Variants in FGF13 observed in about 807,000 individuals in gnomAD.
FGF13 encodes fibroblast growth factor 13.
A neutral mutation model predicts 19.5 loss-of-function variants in FGF13; 2 were observed. The ratio of observed to expected loss-of-function variants is 0.10; its 90% confidence interval spans 0.04 to 0.32. The LOEUF (loss-of-function observed/expected upper bound fraction) is 0.32, where lower values mean the gene tolerates loss of function less well. Among genes scored for constraint, FGF13 ranks in the 10% least tolerant of loss-of-function variants. The pLI is 1.00. For missense variants in FGF13, 113 were observed against 192.7 expected, an observed-to-expected ratio of 0.59 and a Z score of 2.45; for synonymous variants, 72 against 76.9, an observed-to-expected ratio of 0.94 and a Z score of 0.33.
chrX:139,102,470 A>T (rs111714161), intron 1 of FGF13, among the ~76,000 whole-genome samples: 1,171 of 111,883 alleles, frequency 0.01, 5 homozygotes, highest in Non-Finnish European at 0.017. Flanking sequence ...TGAGACACCA[A>T]ATATAAGTTA....
chrX:139,183,193 A>G (rs1361890675), intron 1 of FGF13, among the ~76,000 whole-genome samples: 1 of 112,122 alleles, frequency 8.9e-6, no homozygotes, highest in Non-Finnish European at 1.9e-5. Context: ...AAACATGTCA[A>G]AAGTATCACA....
intron 1 of FGF13, among the ~76,000 whole-genome samples, chrX:139,054,872 G>GTGTTGTGTTT (rs1556347184): frequency 1.1e-5 from 1 of 92,294 alleles, no homozygotes; most frequent in Non-Finnish European, 2.1e-5. Flanking sequence ...GTGTTGTGTT[G>GTGTTGTGTTT]TGTTGTGTTG....
Position 139,081,128 on chromosome X carries a change from C to G in FGF13, c.-113+122288G>C, listed in dbSNP as rs73581298. On this transcript the variant is annotated intron_variant, in intron 1 of 2. Coordinates refer to the FGF13 transcript ENST00000421460. ...TCCCATTCTCTTTTGAAATGCCCCC[C>G]ACGCCCTGCCAAGCAATCTTTCATC... 3.9e-3 allele frequency among the ~76,000 whole-genome samples: 430 copies of G among 110,819 alleles called. 3 individuals are homozygous for G. Among genetic ancestry groups the G allele is most frequent in the African/African-American group, 0.013 (406 of 30,517 alleles).
rs977060467 is a variant in FGF13 at position 139,076,416 on chromosome X, T to C, written c.-113+127000A>G. Among the ~76,000 whole-genome samples the C allele has an allele frequency of 3.6e-5, 4 of 111,405 alleles. No homozygotes were observed. In the East Asian group the frequency reaches 1.1e-3, roughly 31 times the overall value. The stretch of plus-strand genomic sequence containing the variant: ...CTTACTTACTTTCAAGAGTATCTGG[T>C]TTTCGCATTCACCAGATCTAAAAAG... On this transcript the variant is annotated intron_variant, in intron 1 of 2. Coordinates refer to the FGF13 transcript ENST00000421460.
intron 1 of FGF13, among the ~76,000 whole-genome samples, chrX:139,105,094 T>C (rs779949470): frequency 3.0e-4 from 33 of 111,091 alleles, no homozygotes; most frequent in Non-Finnish European, 4.9e-4. Context: ...TGGTTTTCAG[T>C]AGGACATAGG....
At chrX:138,839,926 T>C (rs1032979822) in intron 3 of FGF13, among the ~76,000 whole-genome samples, 4 of 111,831 alleles carry the variant, frequency 3.6e-5, no homozygotes, top group Non-Finnish European at 7.5e-5. Flanking sequence ...TTTCCTTCTG[T>C]ATAAAAATGG....
chrX:138,692,049 A>T (rs2089843193), intron 3 of FGF13, among the ~76,000 whole-genome samples: 1 of 110,659 alleles, frequency 9.0e-6, no homozygotes, highest in Admixed American at 9.6e-5. Flanking sequence ...GTAGCTTCCA[A>T]TTTTTTTTCT....
At chrX:138,866,507 A>C (rs1416553969) in intron 1 of FGF13, among the ~76,000 whole-genome samples, 1 of 111,924 alleles carries the variant, frequency 8.9e-6, no homozygotes, top group African/African-American at 3.2e-5. Context: ...GCGATGTGGC[A>C]GATTGCACTG....
chrX:138,653,522 C>G (rs1396697594), intron 3 of FGF13, among the ~76,000 whole-genome samples: 3 of 111,744 alleles, frequency 2.7e-5, no homozygotes, highest in African/African-American at 9.7e-5. Context: ...GTTTTATCAA[C>G]AGCAATAAAC....
At chrX:139,077,308 G>T (rs2083339054) in intron 1 of FGF13, among the ~76,000 whole-genome samples, 1 of 112,263 alleles carries the variant, frequency 8.9e-6, no homozygotes, top group African/African-American at 3.2e-5. Context: ...CCAGTGAAGT[G>T]TTTGTTATTG....
At chrX:139,201,000 C>T (rs1317381127) in intron 1 of FGF13, among the ~76,000 whole-genome samples, 3 of 112,171 alleles carry the variant, frequency 2.7e-5, no homozygotes, top group African/African-American at 9.7e-5. Flanking sequence ...AGCCGCGTGA[C>T]TCAAACTATA....
At chrX:139,167,938 C>A (rs1489781928) in intron 1 of FGF13, among the ~76,000 whole-genome samples, 1 of 112,136 alleles carries the variant, frequency 8.9e-6, no homozygotes, top group Non-Finnish European at 1.9e-5. Flanking sequence ...AATATCTATT[C>A]TTTCAAAAAT....
upstream of FGF13, among the ~76,000 whole-genome samples, chrX:138,740,288 A>G (rs2090310144): frequency 8.9e-6 from 1 of 111,883 alleles, no homozygotes; most frequent in African/African-American, 3.3e-5. Flanking sequence ...GTCACTATCA[A>G]TGAATATTGA....
At chrX:139,082,719 AG>A (rs1247462763) in intron 1 of FGF13, among the ~76,000 whole-genome samples, 1 of 112,185 alleles carries the variant, frequency 8.9e-6, no homozygotes, top group Non-Finnish European at 1.9e-5. Context: ...TCTAATCTCC[AG>A]TACCATGAAC....
chrX:138,703,898 G>A (rs770822791), intron 2 of FGF13, among the ~76,000 whole-genome samples: 1 of 111,132 alleles, frequency 9.0e-6, no homozygotes, highest in East Asian at 2.9e-4. Flanking sequence ...ATTTTTAGTA[G>A]AGACGGGGTT....
chrX:138,910,824 A>G (rs1444098956), intron 1 of FGF13, among the ~76,000 whole-genome samples: 1 of 112,415 alleles, frequency 8.9e-6, no homozygotes, highest in Admixed American at 9.4e-5. Context: ...AAACATTAAT[A>G]GCAAGAACCA....
At chrX:138,779,095 G>C (rs1342723076) in intron 3 of FGF13, among the ~76,000 whole-genome samples, 2 of 111,688 alleles carry the variant, frequency 1.8e-5, no homozygotes, top group Non-Finnish European at 3.8e-5. Flanking sequence ...CAGACCTGCA[G>C]CTGAGGTTCC....
chrX:138,793,347 G>A (rs2090755923), intron 3 of FGF13, among the ~76,000 whole-genome samples: 1 of 111,546 alleles, frequency 9.0e-6, no homozygotes, highest in African/African-American at 3.3e-5. Flanking sequence ...TTCATTTCTA[G>A]ATACACAAGA....
chrX:138,625,524 T>TAC lies in FGF13; in HGVS notation c.*7325_*7326insGT, dbSNP rs1184403363. ...ATATATATATATAATATAATATATATATATATCTTAGCCATATAAAGAGGG... is the reference window on the plus strand; with the variant it reads ...ATATATATATATAATATAATATATATACATATATCTTAGCCATATAAAGAGGG... On this transcript the variant is annotated 3_prime_UTR_variant, in exon 5 of 5. Coordinates refer to ENST00000315930, the MANE Select transcript of FGF13 (RefSeq NM_004114.5). 7.5e-5 allele frequency: 7 copies of TAC among 93,367 alleles called. No homozygotes were observed. Among genetic ancestry groups the TAC allele is most frequent in the Non-Finnish European group, 1.2e-4 (6 of 49,340 alleles). The allele number at this position is 93,367 out of a possible 1,213,427, so 7.7% of individuals were successfully genotyped here.
Sources: gnomAD v4.1 joint callset for allele counts (sites outside exome capture counted in the v4.1 genomes callset) on GRCh38, gnomAD v4.1.1 for gene constraint, MANE v1.5 for transcripts, NCBI Gene and HGNC (gene_info 2026-07-23, HGNC 2026-07-21) for gene names.